SENP7: variants seen among roughly 807,000 people sequenced by gnomAD.
SENP7 encodes the protein SUMO specific peptidase 7, also known as sentrin-specific protease 7.
SENP7 carries 64 observed loss-of-function variants against 141.2 expected under a neutral mutation model. The observed-to-expected ratio is 0.45, with a 90% CI of 0.37 to 0.56. SENP7 has a LOEUF of 0.56. SENP7 is among the 20% of genes least tolerant of loss of function. The pLI is 0.00. For missense variants in SENP7, 1,025 were observed against 1,212.2 expected (o/e 0.85, Z 2.29); for synonymous variants, 382 against 426.4 (o/e 0.90, Z 1.28).
intron 16 of SENP7, among the ~76,000 whole-genome samples, chr3:101,339,148 G>C (rs762796000): frequency 6.6e-5 from 10 of 152,158 alleles, no homozygotes; most frequent in Admixed American, 2.0e-4. Flanking sequence ...TTAATTCCTA[G>C]AGATTAAATC....
intron 6 of SENP7, among the ~76,000 whole-genome samples, chr3:101,391,771 C>G (rs190219325): frequency 6.6e-6 from 1 of 152,174 alleles, no homozygotes; most frequent in Non-Finnish European, 1.5e-5. Flanking sequence ...CAAAACTATA[C>G]AAGGACATGA....
At chr3:101,417,251 T>C (rs1212015459) in intron 5 of SENP7, among the ~76,000 whole-genome samples, 3 of 152,160 alleles carry the variant, frequency 2.0e-5, no homozygotes, top group South Asian at 2.1e-4. Context: ...CACATTTATA[T>C]GCATATAATA....
intron 6 of SENP7, among the ~76,000 whole-genome samples, chr3:101,379,420 C>A (rs556640797): frequency 6.6e-6 from 1 of 151,946 alleles, no homozygotes; most frequent in Non-Finnish European, 1.5e-5. Context: ...CAGAATGAGA[C>A]GAAATATTTG....
At chr3:101,478,341 G>C (rs1367474417) in intron 3 of SENP7, among the ~76,000 whole-genome samples, 2 of 151,968 alleles carry the variant, frequency 1.3e-5, no homozygotes, top group African/African-American at 2.4e-5. Context: ...AATACAGCAA[G>C]ACCCCACCTC....
intron 3 of SENP7, among the ~76,000 whole-genome samples, chr3:101,463,396 T>TATATACATATATATATATATATAC (rs1320861204): frequency 1.1e-4 from 9 of 82,858 alleles, no homozygotes; most frequent in East Asian, 3.3e-4. Flanking sequence ...TATATATATA[T>TATATACATATATATATATATATAC]ACATATATAT....
chr3:101,392,367 C>T (rs2060840439), intron 6 of SENP7, among the ~76,000 whole-genome samples: 1 of 152,084 alleles, frequency 6.6e-6, no homozygotes, highest in Admixed American at 6.5e-5. Context: ...TTGCAGGACA[C>T]TGAATCAACA....
chr3:101,348,091 AT>A (rs753747087), intron 12 of SENP7, 40 bp from the exon 13 acceptor site: 1 of 1,397,112 alleles, frequency 7.2e-7, no homozygotes. Context: ...AAATTAATCC[AT>A]TTAAGAATAC....
chr3:101,373,818 T>C (rs924406087), intron 6 of SENP7, among the ~76,000 whole-genome samples: 2 of 152,178 alleles, frequency 1.3e-5, no homozygotes, highest in East Asian at 1.9e-4. Context: ...TTCTAAACTG[T>C]ACATGGTGGA....
intron 6 of SENP7, among the ~76,000 whole-genome samples, chr3:101,386,952 A>T (rs1166235723): frequency 1.3e-5 from 2 of 152,198 alleles, no homozygotes; most frequent in Admixed American, 1.3e-4. Context: ...AGCCCTGCCA[A>T]CGCCACCAAT....
intron 4 of SENP7, among the ~76,000 whole-genome samples, chr3:101,435,377 C>A (rs1240728571): frequency 6.6e-6 from 1 of 151,992 alleles, no homozygotes; most frequent in Non-Finnish European, 1.5e-5. Context: ...ATCTAGAACA[C>A]AACAAGGATG....
intron 5 of SENP7, among the ~76,000 whole-genome samples, chr3:101,413,422 G>T (rs1337135263): frequency 6.6e-6 from 1 of 152,084 alleles, no homozygotes; most frequent in African/African-American, 2.4e-5. Context: ...GGTTCTTACA[G>T]GGAAAATATA....
At chr3:101,360,972 G>C (rs925058259) in intron 11 of SENP7, among the ~76,000 whole-genome samples, 2 of 152,162 alleles carry the variant, frequency 1.3e-5, no homozygotes, top group Non-Finnish European at 2.9e-5. Context: ...GGGAGGCTGA[G>C]GCAGGTGGAT....
chr3:101,393,816 C>T (rs77412727), intron 6 of SENP7, among the ~76,000 whole-genome samples: 3,635 of 152,168 alleles, frequency 0.024, 146 homozygotes, highest in African/African-American at 0.083. Context: ...AGCAGAAGTG[C>T]GCAAAAAGAC....
At chr3:101,439,050 C>T (rs1478370790) in intron 4 of SENP7, among the ~76,000 whole-genome samples, 4 of 129,564 alleles carry the variant, frequency 3.1e-5, no homozygotes, top group East Asian at 2.3e-4. Flanking sequence ...AAGTGAGGAG[C>T]GTCTCCGCCC....
At chr3:101,368,759 T>C (rs971714572) in intron 7 of SENP7, among the ~76,000 whole-genome samples, 2 of 152,106 alleles carry the variant, frequency 1.3e-5, no homozygotes, top group African/African-American at 2.4e-5. Flanking sequence ...GGGGGTCTTA[T>C]TAAAATCCAG....
chr3:101,384,910 A>G (rs186883636), intron 6 of SENP7, among the ~76,000 whole-genome samples: 456 of 152,364 alleles, frequency 3.0e-3, no homozygotes, highest in Non-Finnish European at 3.6e-3. Context: ...CTGTGAGCCT[A>G]TTAAACCTCA....
rs147444117 is a variant in SENP7, at chr3:101,458,763, C to T, written c.284+192G>A. On this transcript the variant is annotated intron_variant, in intron 4 of 23. Coordinates refer to ENST00000394095, the MANE Select transcript of SENP7 (RefSeq NM_020654.5). Reference sequence around the variant, plus strand: ...AAAGCTTATCAAGATGTTCCAAATGCACAAAAACAAGGGAGTTAAGATACT... The same window carrying T: ...AAAGCTTATCAAGATGTTCCAAATGTACAAAAACAAGGGAGTTAAGATACT... 140 of 439,564 alleles carry T rather than the reference C, an allele frequency of 3.2e-4. No homozygotes were observed. In the East Asian group the frequency reaches 4.8e-3, roughly 15 times the overall value. The allele number at this position is 439,564 out of a possible 1,614,324, so 27.2% of individuals were successfully genotyped here.
At chr3:101,373,005 C>G (rs115994039) in intron 6 of SENP7, among the ~76,000 whole-genome samples, 6,623 of 151,822 alleles carry the variant, frequency 0.044, 199 homozygotes, top group Non-Finnish European at 0.072. Context: ...AAGTCAAAAA[C>G]AAGGACTATA....
At chr3:101,484,138 G>C (rs2064625617) in intron 3 of SENP7, among the ~76,000 whole-genome samples, 1 of 152,092 alleles carries the variant, frequency 6.6e-6, no homozygotes, top group Non-Finnish European at 1.5e-5. Flanking sequence ...GTCTATCAAT[G>C]GCTTTTTAAA....
Sources: allele counts gnomAD v4.1 joint callset (sites outside exome capture counted in the v4.1 genomes callset), GRCh38; gene constraint gnomAD v4.1.1; transcripts MANE v1.5; gene names NCBI Gene and HGNC (gene_info 2026-07-23, HGNC 2026-07-21).